The following RASSF3 variants were observed in gnomAD, a reference collection of about 807,000 sequenced individuals.
RASSF3 encodes the protein Ras association domain family member 3.
Under a neutral mutation model 19.9 loss-of-function variants are expected in RASSF3, and 19 were observed. The observed-to-expected ratio is 0.96, with a 90% CI of 0.67 to 1.40. The LOEUF (loss-of-function observed/expected upper bound fraction) is 1.40, where lower values mean the gene tolerates loss of function less well. Ranked by LOEUF, RASSF3 falls within the 40% of genes most tolerant of loss-of-function variation. The pLI, the probability that RASSF3 is intolerant of heterozygous loss-of-function variation, is 0.00. For missense variants in RASSF3, 306 were observed against 289.8 expected (o/e 1.06, Z -0.41); for synonymous variants, 110 against 104.2 (o/e 1.06, Z -0.34).
rs141739715 is a variant in RASSF3, at chr12:64,508,607, G to A, written c.169+1278G>A. On this transcript the variant is annotated intron_variant, in intron 1 of 5. Coordinates refer to the RASSF3 transcript ENST00000637125. ...ACATTTATTTAAAAGCATGCAGACC[G>A]GGCGCGGCGGCTCATGCCTGTAATC... Among the ~76,000 whole-genome samples, 529 of 151,914 alleles carry A rather than the reference G, an allele frequency of 3.5e-3. 6 individuals are homozygous for A. Among genetic ancestry groups the A allele is most frequent in the African/African-American group, 0.012 (504 of 41,418 alleles).
At chr12:64,617,573 G>C (rs1189450208) in intron 1 of RASSF3, among the ~76,000 whole-genome samples, 1 of 152,032 alleles carries the variant, frequency 6.6e-6, no homozygotes, top group Non-Finnish European at 1.5e-5. Flanking sequence ...TGATTGATTG[G>C]TTGAGACGGA....
chr12:64,580,066 T>C (rs2136134645), intron 2 of RASSF3, among the ~76,000 whole-genome samples: 1 of 152,200 alleles, frequency 6.6e-6, no homozygotes, highest in African/African-American at 2.4e-5. Flanking sequence ...CTGCCCACCT[T>C]GGCCTCCTGA....
At chr12:64,616,254 A>G (rs1396516186) in intron 1 of RASSF3, among the ~76,000 whole-genome samples, 1 of 152,198 alleles carries the variant, frequency 6.6e-6, no homozygotes, top group Non-Finnish European at 1.5e-5. Context: ...CTTCTGGCCA[A>G]CTCACAAGAT....
intron 1 of RASSF3, among the ~76,000 whole-genome samples, chr12:64,684,557 A>G (rs1236341062): frequency 6.6e-6 from 1 of 150,850 alleles, no homozygotes; most frequent in Non-Finnish European, 1.5e-5. Context: ...TCAGCCTCCC[A>G]AGTAGCTGGG....
intron 2 of RASSF3, among the ~76,000 whole-genome samples, chr12:64,560,776 A>C (rs954280540): frequency 3.3e-5 from 5 of 152,192 alleles, no homozygotes; most frequent in Admixed American, 3.3e-4. Context: ...CTTAGGGAAT[A>C]CTTGTGCGGG....
chr12:64,610,489 G>C (rs1428815020), upstream of RASSF3: 1 of 288,884 alleles, frequency 3.5e-6, no homozygotes, highest in Non-Finnish European at 6.2e-6. Flanking sequence ...GGGGCCGGGA[G>C]AGCCTGATTG....
intron 1 of RASSF3, chr12:64,507,386 T>G (rs917139169): frequency 2.5e-6 from 1 of 398,186 alleles, no homozygotes; most frequent in Non-Finnish European, 4.4e-6. Context: ...GTGTGTGTGT[T>G]ACATTTTAAA....
At chr12:64,683,257 C>T (rs923372054) in intron 1 of RASSF3, among the ~76,000 whole-genome samples, 2 of 152,044 alleles carry the variant, frequency 1.3e-5, no homozygotes, top group African/African-American at 4.8e-5. Flanking sequence ...ATAATGCCTC[C>T]TTGATTAGGT....
At chr12:64,517,308 TC>T (rs138608037) in intron 1 of RASSF3, among the ~76,000 whole-genome samples, 1,666 of 148,688 alleles carry the variant, frequency 0.011, 21 homozygotes, top group African/African-American at 0.028. Context: ...TATTAATTCC[TC>T]CCCCCCCCCA....
chr12:64,646,654 C>T (rs1871745367), intron 1 of RASSF3, among the ~76,000 whole-genome samples: 1 of 152,116 alleles, frequency 6.6e-6, no homozygotes, highest in African/African-American at 2.4e-5. Flanking sequence ...CTTCTCCCCT[C>T]TTATATTCAT....
At chr12:64,625,861 C>T (rs1870971306) in intron 1 of RASSF3, among the ~76,000 whole-genome samples, 3 of 152,120 alleles carry the variant, frequency 2.0e-5, no homozygotes, top group South Asian at 2.1e-4. Flanking sequence ...CATTAAAGCT[C>T]AATGAGTCAT....
chr12:64,567,412 G>A (rs1185189242), intron 2 of RASSF3, among the ~76,000 whole-genome samples: 1 of 152,180 alleles, frequency 6.6e-6, no homozygotes, highest in Non-Finnish European at 1.5e-5. Flanking sequence ...CCTCCCTTGT[G>A]TTAAGTGTGG....
rs140170171 is a variant in RASSF3 at position 64,617,248 on chromosome 12, A to G, written c.111+6505A>G. On this transcript the variant is annotated intron_variant, in intron 1 of 4. Transcript: ENST00000542104. The stretch of plus-strand genomic sequence containing the variant: ...TAATATCTGTGATTACTGGTTAAGC[A>G]TAACTCACTTTATATACTTTCCCCT... Among the ~76,000 whole-genome samples, 47 of 152,356 alleles carry G rather than the reference A, an allele frequency of 3.1e-4. 2 individuals carry two copies. The East Asian group carries it at 8.5e-3, about 28-fold the overall frequency.
intron 1 of RASSF3, among the ~76,000 whole-genome samples, chr12:64,626,256 C>T (rs1436362642): frequency 2.6e-5 from 4 of 151,792 alleles, no homozygotes; most frequent in African/African-American, 7.3e-5. Context: ...TTATTTCTGC[C>T]GGGTGTGGTG....
In RASSF3 at chr12:64,516,562, T is replaced by C. The variant is rs1352473408; in HGVS notation, c.169+9233T>C. 4.3e-5 allele frequency among the ~76,000 whole-genome samples: 6 copies of C among 140,300 alleles called. No homozygotes were observed. In the East Asian group the frequency reaches 1.2e-3, roughly 29 times the overall value. The allele number at this position is 140,300 out of a possible 152,430, so 92.0% of individuals were successfully genotyped here. ...TGAACCCGGGAGGCGGAGCTTGCAGTGAGCCGAGATCCCGCCACTGCACTC... is the reference window on the plus strand; with the variant it reads ...TGAACCCGGGAGGCGGAGCTTGCAGCGAGCCGAGATCCCGCCACTGCACTC... On this transcript the variant is annotated intron_variant, in intron 1 of 5. Transcript: ENST00000637125.
chr12:64,612,331 C>T (rs1361198705), intron 1 of RASSF3, among the ~76,000 whole-genome samples: 1 of 152,130 alleles, frequency 6.6e-6, no homozygotes, highest in Non-Finnish European at 1.5e-5. Flanking sequence ...GTCTGCTAAT[C>T]TCCTGAAAAC....
At chr12:64,610,071 C>T (rs1870280245), upstream of RASSF3, among the ~76,000 whole-genome samples, 1 of 152,116 alleles carries the variant, frequency 6.6e-6, no homozygotes, top group Non-Finnish European at 1.5e-5. Context: ...GCAACCCCCA[C>T]CCACCCCTAC....
chr12:64,679,641 G>A (rs1296559872), intron 1 of RASSF3, among the ~76,000 whole-genome samples: 1 of 152,128 alleles, frequency 6.6e-6, no homozygotes, highest in South Asian at 2.1e-4. Flanking sequence ...GTTCGCTACT[G>A]AAAAACAGTG....
chr12:64,649,335 G>GGCACCCGCCACC (rs1429219391), intron 1 of RASSF3, among the ~76,000 whole-genome samples: 4 of 152,118 alleles, frequency 2.6e-5, no homozygotes, highest in Non-Finnish European at 4.4e-5. Context: ...TGGGACTACA[G>GGCACCCGCCACC]GCACCCGCCA....
Sources: gnomAD v4.1 joint callset for allele counts (sites outside exome capture counted in the v4.1 genomes callset) on GRCh38, gnomAD v4.1.1 for gene constraint, MANE v1.5 for transcripts, NCBI Gene and HGNC (gene_info 2026-07-23, HGNC 2026-07-21) for gene names.